Variants in SRSF5 observed in about 807,000 individuals in gnomAD.
SRSF5 encodes the protein serine and arginine rich splicing factor 5.
Under a neutral mutation model 34.0 loss-of-function variants are expected in SRSF5, and 5 were observed. That is an observed-to-expected ratio of 0.15 (90% CI 0.08 to 0.31). The LOEUF is 0.31. SRSF5 is among the 10% of genes least tolerant of loss of function. The probability of loss-of-function intolerance (pLI) is 1.00; values close to 1 mark genes in which losing one functional copy is unlikely to be tolerated. For missense variants in SRSF5, 223 were observed against 351.4 expected (o/e 0.63, Z 2.92); for synonymous variants, 164 against 117.7 (o/e 1.39, Z -2.55).
chr14:69,772,000 A>G lies in SRSF5; in HGVS notation c.*539A>G, dbSNP rs986209882. 1 of 153,796 alleles carries G rather than the reference A, an allele frequency of 6.5e-6. No homozygotes were observed. The highest frequency in any genetic ancestry group is 1.5e-5 in the Non-Finnish European group (1 of 68,912). The allele number at this position is 153,796 out of a possible 1,614,324, so 9.5% of individuals were successfully genotyped here. On this transcript the variant is annotated 3_prime_UTR_variant, in exon 8 of 8. Transcript: ENST00000557154. ...TTGTTATTGATAATAAAATATTATA[A>G]AACTACTTTTTGTCTGTTTGTCTGA... is the stretch of plus-strand genomic sequence containing the variant.
chr14:69,770,682 C>T (rs916329733), intron 6 of SRSF5, 142 bp downstream of exon 6: 2 of 777,360 alleles, frequency 2.6e-6, no homozygotes, highest in Non-Finnish European at 4.2e-6. Flanking sequence ...CTCCCCCCCA[C>T]ACCTTTGGCA....
chr14:69,768,569 A>C (rs763777345), intron 2 of SRSF5, 35 bp from the exon 3 acceptor site: 4 of 1,598,936 alleles, frequency 2.5e-6, no homozygotes, highest in Non-Finnish European at 3.4e-6. Flanking sequence ...TACTCTTCTA[A>C]AGCCAATGTT....
chr14:69,768,945 AT>A, intron 4 of SRSF5, 49 bp downstream of exon 4: 1 of 1,574,720 alleles, frequency 6.4e-7, no homozygotes, highest in Non-Finnish European at 8.7e-7. Context: ...TAGGGGTAGC[AT>A]TTAAGATTCA....
intron 1 of SRSF5, chr14:69,767,700 CG>C (rs1332672519): frequency 2.8e-6 from 1 of 363,586 alleles, no homozygotes; most frequent in African/African-American, 2.1e-5. Context: ...GCAGAGCGCC[CG>C]CCCGCTGCTG....
chr14:69,770,651 G>C (rs972828197), intron 6 of SRSF5, 111 bp downstream of exon 6: 1 of 1,048,088 alleles, frequency 9.5e-7, no homozygotes, highest in African/African-American at 1.6e-5. Flanking sequence ...ATTCTCCAGA[G>C]ACAATTTTGC....
At chr14:69,767,919 C>T (rs923270746) in intron 1 of SRSF5, 26 of 495,912 alleles carry the variant, frequency 5.2e-5, no homozygotes, top group Non-Finnish European at 7.7e-5. Flanking sequence ...GTGGGCGTTG[C>T]GGTTGCTGCG....
intron 4 of SRSF5, 94 bp downstream of exon 4, chr14:69,768,990 C>A: frequency 1.4e-6 from 2 of 1,382,456 alleles, no homozygotes; most frequent in Non-Finnish European, 2.0e-6. Flanking sequence ...TGGGTCCTGC[C>A]GTATAATCTG....
chr14:69,770,678 C>G (rs555535725), intron 6 of SRSF5, 138 bp downstream of exon 6: 7 of 798,146 alleles, frequency 8.8e-6, no homozygotes, highest in East Asian at 8.1e-5. Context: ...CCTCCTCCCC[C>G]CCACACCTTT....
At chr14:69,770,187 T>G in intron 5 of SRSF5, 1 of 1,117,462 alleles carries the variant, frequency 8.9e-7, no homozygotes, top group Non-Finnish European at 1.1e-6. Context: ...TTTTGTTTGT[T>G]TTTTTTTCTT....
At position 69,768,259 on chromosome 14, in the gene SRSF5, C is replaced by T. The variant is rs1443575570; in HGVS notation, c.103C>T (p.Leu35=). Residue 35 remains leucine (L), a synonymous_variant, in exon 2 of 8, where the codon CTG becomes TTG. Transcript: ENST00000557154. ...ATATGGACGGATAAGAGATATTGATCTGAAAAGAGGCTTTGGTTTTGTGGT... is the reference window on the plus strand; with the variant it reads ...ATATGGACGGATAAGAGATATTGATTTGAAAAGAGGCTTTGGTTTTGTGGT... ...KGYGRIRDID[L]KRGFGFVEFE... 6.2e-7 allele frequency: 1 copy of T among 1,614,146 alleles called. No homozygotes were observed. The highest frequency in any genetic ancestry group is 1.3e-5 in the African/African-American group (1 of 75,018).
Position 69,767,585 on chromosome 14 carries a change from G to T in SRSF5, c.-20+330G>T, listed in dbSNP as rs1340668530. ...ATGCGGCTGGGCCTTTTGTAGGGCGGCCGCAGTGACCCCCGAGAAGGGGGT... is the reference window on the plus strand; with the variant it reads ...ATGCGGCTGGGCCTTTTGTAGGGCGTCCGCAGTGACCCCCGAGAAGGGGGT... On this transcript the variant is annotated intron_variant, in intron 1 of 7. Coordinates refer to ENST00000557154, the MANE Select transcript of SRSF5 (RefSeq NM_001320214.2). The T allele has an allele frequency of 6.6e-6, 3 of 455,352 alleles. No individual in the cohort carries two copies. The East Asian group carries it at 2.1e-4, about 32-fold the overall frequency. 28.2% of individuals were successfully genotyped at this position (455,352 alleles called of 1,614,324 possible).
intron 5 of SRSF5, chr14:69,769,915 A>G: frequency 9.0e-7 from 1 of 1,112,850 alleles, no homozygotes; most frequent in Non-Finnish European, 1.1e-6. Context: ...TGTGCGATTA[A>G]AGGCTTCCAT....
intron 5 of SRSF5, chr14:69,769,590 C>T (rs1882977031): frequency 3.3e-6 from 5 of 1,535,376 alleles, no homozygotes; most frequent in Non-Finnish European, 4.4e-6. Flanking sequence ...TTGGTTGGGC[C>T]TGGTTGACTT....
At chr14:69,768,377 T>C in intron 2 of SRSF5, 95 bp downstream of exon 2, 1 of 1,531,194 alleles carries the variant, frequency 6.5e-7, no homozygotes, top group Non-Finnish European at 8.9e-7. Flanking sequence ...ATATTTGCCT[T>C]CAGAAAATGT....
At chr14:69,770,246 A>T in intron 5 of SRSF5, 1 of 1,331,284 alleles carries the variant, frequency 7.5e-7, no homozygotes, top group Non-Finnish European at 9.6e-7. Context: ...TTAAAATCTG[A>T]ATTTCTTTTA....
At chr14:69,767,646 CGCAGCTCT>C (rs1473068784) in intron 1 of SRSF5, 1 of 414,618 alleles carries the variant, frequency 2.4e-6, no homozygotes, top group South Asian at 1.7e-5. Flanking sequence ...ATTTGGCACG[CGCAGCTCT>C]GCTGCCTTTG....
Position 69,771,224 on chromosome 14 carries a change from C to G in SRSF5, c.582C>G (p.Thr194=). The change falls in exon 8 of 8, where the codon ACC becomes ACG. Residue 194 remains threonine (T), a synonymous_variant. Transcript: ENST00000557154. ...CAAGAAGCAGGTCTCGATCCCGGAC[C>G]AGAAGTTCCTCTAGGTCTCGTAGCC... is the stretch of plus-strand genomic sequence containing the variant. ...SRSRSRSRSR[T]RSSSRSRSRS... The G allele has an allele frequency of 6.2e-7, 1 of 1,614,090 alleles. No individual in the cohort carries two copies. The highest frequency in any genetic ancestry group is 8.5e-7 in the Non-Finnish European group (1 of 1,180,028).
At position 69,767,168 on chromosome 14, in the gene SRSF5, T is replaced by C. The variant is rs1040082497; in HGVS notation, c.-107T>C. On this transcript the variant is annotated 5_prime_UTR_variant, in exon 1 of 8. Coordinates refer to ENST00000557154, the MANE Select transcript of SRSF5 (RefSeq NM_001320214.2). Reference sequence around the variant, plus strand: ...TCAGTTGTGGAGTGGCGTAGACGAGTTAAGTCCTGGTCTGCGTGGAGGTCG... The same window carrying C: ...TCAGTTGTGGAGTGGCGTAGACGAGCTAAGTCCTGGTCTGCGTGGAGGTCG... The C allele has an allele frequency of 4.4e-5, 15 of 343,888 alleles. No homozygotes were observed. Among genetic ancestry groups the C allele is most frequent in the African/African-American group, 2.4e-4 (11 of 46,322 alleles). The allele number at this position is 343,888 out of a possible 1,614,324, so 21.3% of individuals were successfully genotyped here. A position where few individuals can be genotyped will look rare whatever the true frequency, so the allele number is the denominator to read the frequency against.
At chr14:69,770,680 C>T (rs756253104) in intron 6 of SRSF5, 140 bp downstream of exon 6, 10 of 792,424 alleles carry the variant, frequency 1.3e-5, no homozygotes, top group Non-Finnish European at 1.6e-5. Context: ...TCCTCCCCCC[C>T]ACACCTTTGG....
Sources: allele counts gnomAD v4.1 joint callset, GRCh38; gene constraint gnomAD v4.1.1; transcripts MANE v1.5; gene names NCBI Gene and HGNC (gene_info 2026-07-23, HGNC 2026-07-21).